Variants in OPA3 observed in about 807,000 individuals in gnomAD.
OPA3 encodes outer mitochondrial membrane lipid metabolism regulator OPA3, also known as optic atrophy 3 protein.
A neutral mutation model predicts 4.0 loss-of-function variants in OPA3; 6 were observed. The observed-to-expected ratio is 1.51, with a 90% CI of 0.83 to 2.99. OPA3 has a LOEUF of 2.99. Ranked by LOEUF, OPA3 falls within the 30% of genes most tolerant of loss-of-function variation. OPA3 has a pLI of 0.00. For synonymous variants in OPA3, 105 were observed against 117.1 expected, an observed-to-expected ratio of 0.90 and a Z score of 0.67; for missense variants, 235 against 256.2, an observed-to-expected ratio of 0.92 and a Z score of 0.56.
downstream of OPA3, among the ~76,000 whole-genome samples, chr19:45,543,002 G>GTTTA (rs34569348): frequency 0.058 from 8,727 of 149,462 alleles, 317 homozygotes; most frequent in Middle Eastern, 0.11. Flanking sequence ...TATTTTGTTT[G>GTTTA]TTTATTTATT....
At chr19:45,563,711 A>G (rs1394369346) in intron 1 of OPA3, among the ~76,000 whole-genome samples, 1 of 151,846 alleles carries the variant, frequency 6.6e-6, no homozygotes, top group East Asian at 1.9e-4. Flanking sequence ...GCACGCCACC[A>G]TGCCCTGCTA....
chr19:45,572,849 ATT>A (rs1052668611), intron 1 of OPA3, among the ~76,000 whole-genome samples: 1 of 142,576 alleles, frequency 7.0e-6, no homozygotes. Flanking sequence ...ATCTATATAT[ATT>A]TTTTTTTTAC....
intron 1 of OPA3, among the ~76,000 whole-genome samples, chr19:45,582,414 C>A (rs1386321663): frequency 6.6e-6 from 1 of 152,164 alleles, no homozygotes; most frequent in Admixed American, 6.6e-5. Flanking sequence ...CCCCCCTCAG[C>A]CTTCCAAAGT....
downstream of OPA3, among the ~76,000 whole-genome samples, chr19:45,543,119 C>A (rs909009375): frequency 4.0e-5 from 6 of 151,502 alleles, no homozygotes; most frequent in African/African-American, 1.2e-4. Flanking sequence ...AAGCAACCCA[C>A]CCACCTCAGC....
intron 1 of OPA3, among the ~76,000 whole-genome samples, chr19:45,566,398 G>A (rs990909190): frequency 2.7e-5 from 4 of 150,294 alleles, no homozygotes; most frequent in Admixed American, 1.3e-4. Context: ...GATAATACCC[G>A]CCTTGGAGTC....
rs566857378 is a variant in OPA3, at chr19:45,554,201, C to T, written c.143-290G>A. On this transcript the variant is annotated intron_variant, in intron 1 of 1. Coordinates refer to ENST00000263275, the MANE Select transcript of OPA3 (RefSeq NM_025136.4). The stretch of plus-strand genomic sequence containing the variant: ...AGTTCCCTGTGTTCCTCCCTTAAGC[C>T]ACTGCCATCCTGGCTGTCCTGCCCT... Among the ~76,000 whole-genome samples, 7 of 152,318 alleles carry T rather than the reference C, an allele frequency of 4.6e-5. No individual in the cohort carries two copies. In the South Asian group the frequency reaches 1.4e-3, roughly 32 times the overall value.
chr19:45,545,161 T>G (rs1435214788), downstream of OPA3, among the ~76,000 whole-genome samples: 3 of 86,802 alleles, frequency 3.5e-5, no homozygotes, highest in Admixed American at 1.5e-4. Context: ...CAAGACACCG[T>G]CTCAAAAAAA....
At chr19:45,527,888 G>A (rs1969010693) in exon 2 of OPA3, 1 of 152,206 alleles carries the variant, frequency 6.6e-6, no homozygotes, top group Non-Finnish European at 1.5e-5. Context: ...TAGGTCATAT[G>A]GCCTGGTGGA....
In OPA3 at chr19:45,547,449, G is replaced by C. The variant is rs1230404395; in HGVS notation, c.*6065C>G. 6.6e-6 allele frequency: 1 copy of C among 152,164 alleles called. No individual in the cohort carries two copies. Among genetic ancestry groups the C allele is most frequent in the East Asian group, 1.9e-4 (1 of 5,190 alleles). The allele number at this position is 152,164 out of a possible 1,614,324, so 9.4% of individuals were successfully genotyped here. ...AGGAAGCAAGGGTCCCCTTGATTTG[G>C]CCCAAAGGCCTTGGTCAGCGAGCCT... On this transcript the variant is annotated 3_prime_UTR_variant, in exon 2 of 2. Transcript: ENST00000263275.
intron 1 of OPA3, among the ~76,000 whole-genome samples, chr19:45,574,427 G>A (rs1260135955): frequency 1.3e-5 from 2 of 149,684 alleles, no homozygotes; most frequent in East Asian, 2.0e-4. Flanking sequence ...AAAAAAAAAC[G>A]GATTCCATGT....
chr19:45,556,089 G>A (rs1198404015), intron 1 of OPA3, among the ~76,000 whole-genome samples: 1 of 152,112 alleles, frequency 6.6e-6, no homozygotes, highest in Non-Finnish European at 1.5e-5. Context: ...ACTACTTAAG[G>A]TTAATGAAGA....
At chr19:45,566,763 C>G (rs943800164) in intron 1 of OPA3, among the ~76,000 whole-genome samples, 1 of 152,080 alleles carries the variant, frequency 6.6e-6, no homozygotes, top group Non-Finnish European at 1.5e-5. Context: ...CGTGAGCCAC[C>G]GCACCTGGCT....
intron 1 of OPA3, among the ~76,000 whole-genome samples, chr19:45,577,725 C>A (rs1969789213): frequency 6.6e-6 from 1 of 152,190 alleles, no homozygotes. Context: ...AACAAATAGA[C>A]CTCAGGAGTC....
At chr19:45,577,928 T>C (rs1189990682) in intron 1 of OPA3, among the ~76,000 whole-genome samples, 4 of 152,224 alleles carry the variant, frequency 2.6e-5, no homozygotes, top group Non-Finnish European at 4.4e-5. Context: ...GTCAGAAAAC[T>C]CTTCCTGTAA....
chr19:45,570,722 G>C (rs1016729825), intron 1 of OPA3, among the ~76,000 whole-genome samples: 2 of 151,384 alleles, frequency 1.3e-5, no homozygotes, highest in African/African-American at 4.9e-5. Context: ...AATTAGCCGG[G>C]TGTGGTGGCA....
downstream of OPA3, among the ~76,000 whole-genome samples, chr19:45,544,625 T>C (rs746225594): frequency 6.6e-6 from 1 of 152,004 alleles, no homozygotes; most frequent in Non-Finnish European, 1.5e-5. Context: ...AGAAACCTTG[T>C]CTCCACCAAA....
intron 1 of OPA3, among the ~76,000 whole-genome samples, chr19:45,556,239 G>T (rs1163866679): frequency 1.3e-5 from 2 of 152,130 alleles, no homozygotes; most frequent in Non-Finnish European, 2.9e-5. Flanking sequence ...TGCCTCCCAG[G>T]CTCGAGTCAT....
chr19:45,566,192 C>A (rs1352537715), intron 1 of OPA3, among the ~76,000 whole-genome samples: 2 of 152,180 alleles, frequency 1.3e-5, no homozygotes, highest in African/African-American at 4.8e-5. Flanking sequence ...CTCTGTCGCC[C>A]AGGCTGGAGT....
chr19:45,554,601 T>C (rs1284619018), intron 1 of OPA3, among the ~76,000 whole-genome samples: 1 of 152,180 alleles, frequency 6.6e-6, no homozygotes, highest in Non-Finnish European at 1.5e-5. Context: ...TTCTCAGCAC[T>C]TGAGTCTTTA....
Sources: gnomAD v4.1 joint callset for allele counts (sites outside exome capture counted in the v4.1 genomes callset) on GRCh38, gnomAD v4.1.1 for gene constraint, MANE v1.5 for transcripts, NCBI Gene and HGNC (gene_info 2026-07-23, HGNC 2026-07-21) for gene names.